Variants in ITGA9 observed in about 807,000 individuals in gnomAD.
ITGA9 encodes the protein integrin alpha-9.
ITGA9 carries 56 observed loss-of-function variants against 127.8 expected under a neutral mutation model. That is an observed-to-expected ratio of 0.44 (90% CI 0.35 to 0.55). The LOEUF is 0.55. ITGA9 is among the 20% of genes least tolerant of loss of function. The pLI is 0.00. For missense variants in ITGA9, 1,196 were observed against 1,347.1 expected (o/e 0.89, Z 1.76); for synonymous variants, 508 against 514.5 (o/e 0.99, Z 0.17).
At chr3:37,797,986 ATTTAT>A (rs568844363) in intron 26 of ITGA9, among the ~76,000 whole-genome samples, 1 of 151,024 alleles carries the variant, frequency 6.6e-6, no homozygotes. Context: ...TACCCAACCT[ATTTAT>A]TTTATTTTAT....
At chr3:37,686,448 C>T (rs956672344) in intron 18 of ITGA9, among the ~76,000 whole-genome samples, 1 of 152,120 alleles carries the variant, frequency 6.6e-6, no homozygotes, top group African/African-American at 2.4e-5. Context: ...GGGACGCAGG[C>T]GTGGTGAGTA....
At chr3:37,648,426 C>T (rs1271417621) in intron 16 of ITGA9, among the ~76,000 whole-genome samples, 1 of 152,122 alleles carries the variant, frequency 6.6e-6, no homozygotes, top group Non-Finnish European at 1.5e-5. Context: ...GAGTTTGAGA[C>T]TAGCCTGGGC....
At position 37,684,404 on chromosome 3, in the gene ITGA9, G is replaced by A. The variant is rs545803266; in HGVS notation, c.2067+389G>A. ...AAGTAAGGGCAGATCACTGCTTGTC[G>A]TGTTAGTTATTATGTATGATGTACT... On this transcript the variant is annotated intron_variant, in intron 18 of 27. Coordinates refer to ENST00000264741, the MANE Select transcript of ITGA9 (RefSeq NM_002207.3). Among the ~76,000 whole-genome samples, 28 of 152,264 alleles carry A rather than the reference G, an allele frequency of 1.8e-4. No homozygotes were observed. In the East Asian group the frequency reaches 3.9e-3, roughly 21 times the overall value.
intron 16 of ITGA9, among the ~76,000 whole-genome samples, chr3:37,641,185 G>A (rs542207498): frequency 3.3e-5 from 5 of 152,308 alleles, no homozygotes; most frequent in Non-Finnish European, 5.9e-5. Context: ...GCGGGCCAGC[G>A]AGTGTTACCG....
intron 23 of ITGA9, among the ~76,000 whole-genome samples, chr3:37,765,206 C>G (rs1401540071): frequency 6.6e-6 from 1 of 152,068 alleles, no homozygotes; most frequent in African/African-American, 2.4e-5. Context: ...CCCCCCATCT[C>G]TACTTGAGAT....
chr3:37,782,624 G>A (rs1038345199), intron 25 of ITGA9, among the ~76,000 whole-genome samples: 1 of 152,214 alleles, frequency 6.6e-6, no homozygotes, highest in Non-Finnish European at 1.5e-5. Context: ...CAGAGCTTCA[G>A]TTGCCCTGAA....
Position 37,803,958 on chromosome 3 carries a change from G to A in ITGA9, c.3009+16G>A, listed in dbSNP as rs1367593706. The A allele has an allele frequency of 1.2e-5, 19 of 1,613,958 alleles. No homozygotes were observed. Among genetic ancestry groups the A allele is most frequent in the Middle Eastern group, 1.6e-4 (1 of 6,062 alleles). On this transcript the variant is annotated intron_variant, in intron 27 of 27. Transcript: ENST00000264741. ...GCTCTGGAAGGTGAGTCTGGTGATT[G>A]CAGGTCCCCCTGGGGTCCCCACTCA...
In ITGA9 at chr3:37,528,288, A is replaced by G. The variant is rs899107943; in HGVS notation, c.1373+2217A>G. ...GTAAAGTAAAGCGAGGCAGTTACAC[A>G]ATGGGTGGGAGACCCCAGACTCCAG... is the stretch of plus-strand genomic sequence containing the variant. On this transcript the variant is annotated intron_variant, in intron 13 of 27. Coordinates refer to ENST00000264741, the MANE Select transcript of ITGA9 (RefSeq NM_002207.3). Among the ~76,000 whole-genome samples, 4 of 152,266 alleles carry G rather than the reference A, an allele frequency of 2.6e-5. No homozygotes were observed. In the South Asian group the frequency reaches 6.2e-4, roughly 24 times the overall value.
intron 18 of ITGA9, among the ~76,000 whole-genome samples, chr3:37,686,013 G>C (rs916593813): frequency 6.6e-6 from 1 of 152,084 alleles, no homozygotes; most frequent in African/African-American, 2.4e-5. Flanking sequence ...TCTGTATTTA[G>C]GTTATTCCCA....
At chr3:37,499,549 TG>T (rs1431583886) in intron 5 of ITGA9, among the ~76,000 whole-genome samples, 3 of 152,170 alleles carry the variant, frequency 2.0e-5, no homozygotes, top group Non-Finnish European at 4.4e-5. Flanking sequence ...TCCTGCATGG[TG>T]GGGAGCTAAG....
intron 20 of ITGA9, among the ~76,000 whole-genome samples, chr3:37,740,686 T>C (rs566128549): frequency 2.8e-4 from 42 of 152,204 alleles, no homozygotes; most frequent in Non-Finnish European, 7.4e-5. Context: ...GGGGTTGCTC[T>C]GAGGTCTCAG....
intron 18 of ITGA9, among the ~76,000 whole-genome samples, chr3:37,713,934 C>G (rs1485717324): frequency 6.6e-6 from 1 of 152,362 alleles, no homozygotes; most frequent in East Asian, 1.9e-4. Context: ...AGGCTGCATG[C>G]AAAACATTTC....
At chr3:37,589,727 C>T (rs1286336486) in intron 15 of ITGA9, among the ~76,000 whole-genome samples, 1 of 152,070 alleles carries the variant, frequency 6.6e-6, no homozygotes, top group Non-Finnish European at 1.5e-5. Flanking sequence ...GCCTGTTGTT[C>T]CAGGGACAGT....
At chr3:37,532,299 T>C (rs1699160045) in intron 13 of ITGA9, among the ~76,000 whole-genome samples, 1 of 152,218 alleles carries the variant, frequency 6.6e-6, no homozygotes, top group Non-Finnish European at 1.5e-5. Flanking sequence ...TCACTTCCTT[T>C]GTTCACCCAG....
chr3:37,686,918 G>C (rs949092422), intron 18 of ITGA9, among the ~76,000 whole-genome samples: 1 of 152,198 alleles, frequency 6.6e-6, no homozygotes, highest in Non-Finnish European at 1.5e-5. Flanking sequence ...ACAGGACCCA[G>C]TGGCTAGTGA....
intron 24 of ITGA9, among the ~76,000 whole-genome samples, chr3:37,779,297 G>T (rs551438334): frequency 1.3e-5 from 2 of 152,042 alleles, no homozygotes; most frequent in African/African-American, 4.8e-5. Flanking sequence ...TAGAGACAGG[G>T]TTTCACCATG....
intron 11 of ITGA9, 76 bp downstream of exon 11, chr3:37,519,430 C>T: frequency 8.6e-7 from 1 of 1,169,162 alleles, no homozygotes. Context: ...TCATTATGCA[C>T]CATGCCCTGG....
intron 8 of ITGA9, among the ~76,000 whole-genome samples, chr3:37,513,381 G>C (rs1390471109): frequency 6.6e-6 from 1 of 152,082 alleles, no homozygotes; most frequent in Admixed American, 6.5e-5. Flanking sequence ...TAGGCATTCT[G>C]GTTTAGGGGG....
chr3:37,801,010 C>G (rs903062354), intron 26 of ITGA9, among the ~76,000 whole-genome samples: 1 of 151,996 alleles, frequency 6.6e-6, no homozygotes, highest in Non-Finnish European at 1.5e-5. Flanking sequence ...ATGAAAAATA[C>G]AAAAATCAGC....
Sources: gnomAD v4.1 joint callset for allele counts (sites outside exome capture counted in the v4.1 genomes callset) on GRCh38, gnomAD v4.1.1 for gene constraint, MANE v1.5 for transcripts, NCBI Gene and HGNC (gene_info 2026-07-23, HGNC 2026-07-21) for gene names.